PLXND1: variants seen among roughly 807,000 people sequenced by gnomAD.
PLXND1 encodes the protein plexin D1.
A neutral mutation model predicts 197.7 loss-of-function variants in PLXND1; 54 were observed. The ratio of observed to expected loss-of-function variants is 0.27; its 90% CI spans 0.22 to 0.34. The LOEUF (loss-of-function observed/expected upper bound fraction) is 0.34. Ranked by LOEUF, PLXND1 falls within the 10% of genes least tolerant of loss-of-function variation. PLXND1 has a pLI of 1.00. For synonymous variants in PLXND1, 1,180 were observed against 1,161.2 expected (o/e 1.02, Z -0.33); for missense variants, 2,127 against 2,699.2 (o/e 0.79, Z 4.70).
intron 2 of PLXND1, 41 bp downstream of exon 2, chr3:129,589,310 T>TGGGCCCCCCCCCCCCCCCCCCCCCCCCC: frequency 2.0e-6 from 1 of 501,294 alleles, no homozygotes; most frequent in Non-Finnish European, 3.8e-6. Context: ...CAGGGGAGCC[T>TGGGCCCCCCCCCCCCCCCCCCCCCCCCC]CCCACCCCCA....
In PLXND1 at chr3:129,584,243, A is replaced by G; in HGVS notation, c.2030-10T>C. On this transcript the variant is annotated splice_polypyrimidine_tract_variant and intron_variant, in intron 6 of 35. Transcript: ENST00000324093. ...TCAACAGTCACGTGGTCTGGAATGG[A>G]TGGGGGAGCCAGGGGAGGACATGGG... 1.3e-6 allele frequency: 2 copies of G among 1,595,858 alleles called. No homozygotes were observed. Among genetic ancestry groups the G allele is most frequent in the South Asian group, 1.1e-5 (1 of 89,546 alleles).
At chr3:129,585,229 G>A (rs997778050) in intron 5 of PLXND1, among the ~76,000 whole-genome samples, 5 of 152,220 alleles carry the variant, frequency 3.3e-5, no homozygotes, top group African/African-American at 9.7e-5. Flanking sequence ...CAGGGCAGAG[G>A]AGCCCCAGAT....
At chr3:129,585,904 G>A (rs1560075963) in intron 5 of PLXND1, 48 bp downstream of exon 5, 15 of 1,610,354 alleles carry the variant, frequency 9.3e-6, no homozygotes, top group African/African-American at 2.7e-5. Flanking sequence ...TGGGTGAAGG[G>A]AGGCTCCCCT....
At chr3:129,594,806 C>G (rs542039501) in intron 1 of PLXND1, among the ~76,000 whole-genome samples, 1 of 152,088 alleles carries the variant, frequency 6.6e-6, no homozygotes, top group African/African-American at 2.4e-5. Flanking sequence ...CAGGAACTGT[C>G]TGTACTATCT....
intron 7 of PLXND1, 98 bp from the exon 8 acceptor site, chr3:129,583,767 A>C (rs1021861384): frequency 3.8e-6 from 3 of 790,958 alleles, no homozygotes; most frequent in Admixed American, 4.8e-5. Context: ...CAGCACAGGG[A>C]AAGGTCTTTC....
chr3:129,584,654 C>T, intron 5 of PLXND1, 92 bp from the exon 6 acceptor site: 2 of 1,211,808 alleles, frequency 1.7e-6, no homozygotes, highest in Non-Finnish European at 2.3e-6. Flanking sequence ...TCTGGCACTG[C>T]CTGAATGTCC....
intron 1 of PLXND1, among the ~76,000 whole-genome samples, chr3:129,595,021 G>GC (rs1177200828): frequency 6.6e-6 from 1 of 152,120 alleles, no homozygotes; most frequent in South Asian, 2.1e-4. Flanking sequence ...GCCTCTCTCA[G>GC]CCCCCGTCCC....
At position 129,606,287 on chromosome 3, in the gene PLXND1, C is replaced by A; in HGVS notation, c.353G>T (p.Arg118Leu). ...QLPQASCEHP[R>L]RLTDNYNKIL... Reference sequence around the variant, plus strand: ...CTTGTTGTAGTTGTCCGTGAGGCGCCGCGGGTGCTCGCACGAGGCCTGCGG... The same window carrying A: ...CTTGTTGTAGTTGTCCGTGAGGCGCAGCGGGTGCTCGCACGAGGCCTGCGG... Residue 118 changes from arginine to leucine, a missense_variant, in exon 1 of 36, where the codon CGG becomes CTG. Physicochemically the swap from Arg to Leu is moderately radical, Grantham distance 102. Around this residue, in one of 6 missense-constraint regions of PLXND1, gnomAD observed 245 missense variants for 267.1 expected, o/e 0.92. Coordinates refer to ENST00000324093, the MANE Select transcript of PLXND1 (RefSeq NM_015103.3). The A allele has an allele frequency of 6.5e-7, 1 of 1,529,964 alleles. No homozygotes were observed. The allele number at this position is 1,529,964 out of a possible 1,614,324, so 94.8% of individuals were successfully genotyped here.
At chr3:129,569,811 C>G in intron 20 of PLXND1, 32 bp downstream of exon 20, 1 of 1,298,912 alleles carries the variant, frequency 7.7e-7, no homozygotes, top group Non-Finnish European at 1.1e-6. Flanking sequence ...CAAGCCTGCC[C>G]TCCAAGGTGT....
intron 22 of PLXND1, among the ~76,000 whole-genome samples, chr3:129,567,004 C>T (rs1315376690): frequency 6.6e-6 from 1 of 151,960 alleles, no homozygotes; most frequent in Non-Finnish European, 1.5e-5. Context: ...ATGGTGTGGA[C>T]AGGGGAGAGA....
intron 1 of PLXND1, among the ~76,000 whole-genome samples, chr3:129,600,561 G>A (rs1179442338): frequency 6.6e-6 from 1 of 151,990 alleles, no homozygotes; most frequent in African/African-American, 2.4e-5. Flanking sequence ...ACAGCTTATG[G>A]ACTGTATGCC....
intron 29 of PLXND1, among the ~76,000 whole-genome samples, 166 bp downstream of exon 29, chr3:129,561,480 C>G (rs1279983057): frequency 1.3e-5 from 2 of 152,210 alleles, no homozygotes; most frequent in Non-Finnish European, 2.9e-5. Context: ...GGCCCTGCCC[C>G]AGCAGTACTG....
At chr3:129,572,152 C>T (rs986546143) in intron 15 of PLXND1, among the ~76,000 whole-genome samples, 1 of 152,184 alleles carries the variant, frequency 6.6e-6, no homozygotes, top group Non-Finnish European at 1.5e-5. Flanking sequence ...ACTGGATGTT[C>T]CTACTTCCCG....
At chr3:129,596,011 C>CACCA in intron 1 of PLXND1, among the ~76,000 whole-genome samples, 1 of 152,076 alleles carries the variant, frequency 6.6e-6, no homozygotes, top group East Asian at 1.9e-4. Context: ...AGTCTCACAG[C>CACCA]TCTTACCTCA....
Position 129,605,604 on chromosome 3 carries a change from C to T in PLXND1, c.1036G>A (p.Ala346Thr). ...AGGTCGCCGCGGCCCGCGCCGCCCG[C>T]GCACTGCAAGCCCAACTGGATGTAG... is the stretch of plus-strand genomic sequence containing the variant. ...ESYIQLGLQC[A>T]GGAGRGDLYS... Residue 346 changes from alanine to threonine, a missense_variant, in exon 1 of 36, where the codon GCG becomes ACG. Ala to Thr is a moderately conservative substitution (Grantham distance 58). This residue lies in a region of PLXND1 where 1,095 missense variants were observed against 1,259.8 expected (regional missense o/e 0.87). Coordinates refer to ENST00000324093, the MANE Select transcript of PLXND1 (RefSeq NM_015103.3). The T allele has an allele frequency of 6.5e-7, 1 of 1,533,944 alleles. No individual in the cohort carries two copies.
chr3:129,605,717 C>T lies in PLXND1; in HGVS notation c.923G>A (p.Gly308Asp), dbSNP rs1248619934. The T allele has an allele frequency of 1.9e-6, 3 of 1,541,160 alleles. No homozygotes were observed. Among genetic ancestry groups the T allele is most frequent in the East Asian group, 4.9e-5 (2 of 40,706 alleles). The change falls in exon 1 of 36, where the codon GGC becomes GAC. Residue 308 changes from glycine to aspartate, a missense_variant. This residue lies in a region of PLXND1 where 1,095 missense variants were observed against 1,259.8 expected (regional missense o/e 0.87). Transcript: ENST00000324093. ...GCTCCGCGCCTGGCTCTCCTTGTCG[C>T]CCGCGCGCGCCTCGCTGTTGAGCGC... Reference protein sequence around the residue: ...YLALNSEARAGDKESQARSLL... With the variant: ...YLALNSEARADDKESQARSLL...
intron 9 of PLXND1, 66 bp downstream of exon 9, chr3:129,578,263 T>C: frequency 1.1e-6 from 1 of 952,266 alleles, no homozygotes; most frequent in Non-Finnish European, 1.7e-6. Flanking sequence ...ATGGGGGCAG[T>C]TAGTGGCCTG....
chr3:129,566,138 C>A, intron 23 of PLXND1, 121 bp from the exon 24 acceptor site: 1 of 950,326 alleles, frequency 1.1e-6, no homozygotes, highest in Non-Finnish European at 1.6e-6. Flanking sequence ...TTACCTTCCA[C>A]GGTGGATGCC....
chr3:129,574,106 A>G (rs1278328859), intron 12 of PLXND1, among the ~76,000 whole-genome samples: 1 of 152,154 alleles, frequency 6.6e-6, no homozygotes, highest in Non-Finnish European at 1.5e-5. Flanking sequence ...TCCACGCCAC[A>G]CTTCCAATGC....
Sources: gnomAD v4.1 joint callset for allele counts (sites outside exome capture counted in the v4.1 genomes callset) on GRCh38, gnomAD v4.1.1 for gene constraint, gnomAD v4.1.1 regional missense constraint, MANE v1.5 for transcripts, NCBI Gene and HGNC (gene_info 2026-07-23, HGNC 2026-07-21) for gene names.